Variants in CDH13 observed in about 807,000 individuals in gnomAD.
CDH13 encodes cadherin 13, also known as cadherin-13.
Under a neutral mutation model 63.8 loss-of-function variants are expected in CDH13, and 24 were observed. The observed-to-expected ratio is 0.38, with a 90% CI of 0.27 to 0.53. CDH13 has a LOEUF of 0.53. Ranked by LOEUF, CDH13 falls within the 20% of genes least tolerant of loss-of-function variation. CDH13 has a pLI of 0.85. For missense variants in CDH13, 1,049 were observed against 903.1 expected, an observed-to-expected ratio of 1.16 and a Z score of -2.07; for synonymous variants, 503 against 355.3, an observed-to-expected ratio of 1.42 and a Z score of -4.67.
rs142244420 is a variant in CDH13, at chr16:82,898,051, C to T, written c.157+39578C>T. Among the ~76,000 whole-genome samples the T allele has an allele frequency of 9.3e-4, 141 of 152,274 alleles. 1 individual carries two copies. The East Asian group carries it at 0.024, about 26-fold the overall frequency. On this transcript the variant is annotated intron_variant, in intron 2 of 13. Coordinates refer to ENST00000567109, the MANE Select transcript of CDH13 (RefSeq NM_001257.5). The stretch of plus-strand genomic sequence containing the variant: ...ATTGAGATGTGTTGTGAATATAAAA[C>T]ATATACAGTTCTCAAAGAGTGAATA...
intron 2 of CDH13, among the ~76,000 whole-genome samples, chr16:83,019,893 G>A (rs894323406): frequency 6.7e-6 from 1 of 149,198 alleles, no homozygotes; most frequent in African/African-American, 2.5e-5. Flanking sequence ...TAAACCAGTA[G>A]CATAGTTGTT....
At chr16:82,676,468 T>G (rs1435315681) in intron 1 of CDH13, among the ~76,000 whole-genome samples, 1 of 149,450 alleles carries the variant, frequency 6.7e-6, no homozygotes, top group Non-Finnish European at 1.5e-5. Flanking sequence ...AGTATCCTAA[T>G]CTGAGCTACC....
At chr16:83,188,862 C>T (rs1256990914) in intron 4 of CDH13, among the ~76,000 whole-genome samples, 1 of 152,062 alleles carries the variant, frequency 6.6e-6, no homozygotes, top group Non-Finnish European at 1.5e-5. Context: ...TTTCTTTCTC[C>T]TGTAGTCGGG....
At chr16:83,438,442 C>G (rs569865039) in intron 6 of CDH13, among the ~76,000 whole-genome samples, 1 of 152,312 alleles carries the variant, frequency 6.6e-6, no homozygotes, top group South Asian at 2.1e-4. Context: ...ATGGCACAGA[C>G]AATAGCACCT....
chr16:83,791,918 G>A (rs374848379), intron 13 of CDH13, among the ~76,000 whole-genome samples: 2 of 151,790 alleles, frequency 1.3e-5, no homozygotes, highest in African/African-American at 4.8e-5. Context: ...TGCATCCGTT[G>A]CAAGTGTACA....
intron 2 of CDH13, chr16:82,884,218 GA>G (rs1414992167): frequency 4.4e-6 from 2 of 455,802 alleles, no homozygotes; most frequent in South Asian, 3.1e-5. Context: ...TTTTAAAGTA[GA>G]GGCCACTTTT....
chr16:83,180,586 C>T (rs953641709), intron 4 of CDH13, among the ~76,000 whole-genome samples: 2 of 152,172 alleles, frequency 1.3e-5, no homozygotes, highest in Admixed American at 6.5e-5. Context: ...CTAAAAGAAG[C>T]CATATGTTTG....
chr16:83,671,014 C>A lies in CDH13; in HGVS notation c.1284+42C>A, dbSNP rs376344034. ...TTGCCTCTTTCTCCTCATGCGAGCA[C>A]GGAGGGCCCCATGAGGCAGCTCATA... On this transcript the variant is annotated intron_variant, in intron 9 of 13. Coordinates refer to ENST00000567109, the MANE Select transcript of CDH13 (RefSeq NM_001257.5). 10 of 1,489,616 alleles carry A rather than the reference C, an allele frequency of 6.7e-6. 1 individual carries two copies. In the South Asian group the frequency reaches 1.2e-4, roughly 18 times the overall value. 92.3% of individuals were successfully genotyped at this position (1,489,616 alleles called of 1,614,324 possible).
chr16:83,196,206 A>G (rs1037704651), intron 4 of CDH13, among the ~76,000 whole-genome samples: 3 of 152,208 alleles, frequency 2.0e-5, no homozygotes, highest in African/African-American at 7.2e-5. Context: ...CAGTGAGCCT[A>G]GAACACGCCA....
At chr16:83,637,017 T>C (rs186978361) in intron 8 of CDH13, among the ~76,000 whole-genome samples, 2 of 152,354 alleles carry the variant, frequency 1.3e-5, no homozygotes, top group East Asian at 3.9e-4. Flanking sequence ...TTAGTGATGA[T>C]GAGCATTTTT....
At chr16:83,219,799 G>A (rs1364339679) in intron 5 of CDH13, among the ~76,000 whole-genome samples, 1 of 152,192 alleles carries the variant, frequency 6.6e-6, no homozygotes, top group Non-Finnish European at 1.5e-5. Context: ...CACGCTTCAA[G>A]GTGTTCGGAG....
At chr16:83,410,841 A>G (rs558259176) in intron 6 of CDH13, among the ~76,000 whole-genome samples, 14 of 152,286 alleles carry the variant, frequency 9.2e-5, no homozygotes, top group African/African-American at 3.4e-4. Flanking sequence ...CCCACTAACA[A>G]CTGCCAAATT....
intron 7 of CDH13, 75 bp from the exon 8 acceptor site, chr16:83,602,379 A>G (rs1019472291): frequency 3.4e-6 from 5 of 1,486,574 alleles, no homozygotes; most frequent in Non-Finnish European, 4.7e-6. Context: ...AGCTCCAGCA[A>G]CACGCCTGCC....
intron 3 of CDH13, among the ~76,000 whole-genome samples, chr16:83,044,983 C>G (rs1597212558): frequency 6.6e-6 from 1 of 152,214 alleles, no homozygotes. Flanking sequence ...CTTGTTATTA[C>G]CATAAATCAA....
intron 3 of CDH13, among the ~76,000 whole-genome samples, chr16:83,087,097 A>T (rs1214533247): frequency 6.6e-6 from 1 of 152,208 alleles, no homozygotes; most frequent in Non-Finnish European, 1.5e-5. Flanking sequence ...AAAAACAATC[A>T]ATGAACCAAA....
chr16:83,393,094 C>A (rs537894279), intron 6 of CDH13, among the ~76,000 whole-genome samples: 1 of 152,030 alleles, frequency 6.6e-6, no homozygotes, highest in African/African-American at 2.4e-5. Context: ...CTATTTAAAG[C>A]AAAAACAAAG....
chr16:83,171,170 G>A (rs1464280525), intron 4 of CDH13, among the ~76,000 whole-genome samples: 4 of 152,122 alleles, frequency 2.6e-5, no homozygotes, highest in African/African-American at 9.7e-5. Flanking sequence ...TAGTCATGGT[G>A]GAAGGCAAAG....
intron 2 of CDH13, among the ~76,000 whole-genome samples, chr16:82,936,642 C>T (rs1426040854): frequency 6.6e-6 from 1 of 152,100 alleles, no homozygotes; most frequent in African/African-American, 2.4e-5. Context: ...TCTAACTAGT[C>T]CCCCGAGTGG....
At chr16:83,622,454 A>G (rs1241723443) in intron 8 of CDH13, among the ~76,000 whole-genome samples, 1 of 152,242 alleles carries the variant, frequency 6.6e-6, no homozygotes, top group East Asian at 1.9e-4. Flanking sequence ...TGTTGAACAC[A>G]GCACCATTCT....
Sources: gnomAD v4.1 joint callset for allele counts (sites outside exome capture counted in the v4.1 genomes callset) on GRCh38, gnomAD v4.1.1 for gene constraint, MANE v1.5 for transcripts, NCBI Gene and HGNC (gene_info 2026-07-23, HGNC 2026-07-21) for gene names.